The following GPATCH2 variants were observed in gnomAD, a reference collection of about 807,000 sequenced individuals.
GPATCH2 encodes G-patch domain containing 2.
GPATCH2 carries 51 observed loss-of-function variants against 58.0 expected under a neutral mutation model. That is an observed-to-expected ratio of 0.88 (90% confidence interval 0.70 to 1.11). GPATCH2 has a LOEUF of 1.11. GPATCH2 is among the 50% of genes most tolerant of loss of function. The probability of loss-of-function intolerance (pLI) is 0.00; values close to 1 mark genes in which losing one functional copy is unlikely to be tolerated. For missense variants in GPATCH2, 625 were observed against 652.2 expected (o/e 0.96, Z 0.45); for synonymous variants, 222 against 218.5 (o/e 1.02, Z -0.14).
chr1:217,491,948 A>C (rs1473641245), intron 7 of GPATCH2, among the ~76,000 whole-genome samples, 198 bp from the exon 8 acceptor site: 1 of 151,550 alleles, frequency 6.6e-6, no homozygotes, highest in Non-Finnish European at 1.5e-5. Context: ...CAGGGAGACA[A>C]GTTTTTCTTT....
At chr1:217,557,984 T>C (rs939093845) in intron 5 of GPATCH2, among the ~76,000 whole-genome samples, 2 of 152,190 alleles carry the variant, frequency 1.3e-5, no homozygotes, top group Non-Finnish European at 2.9e-5. Context: ...CATCTTACGA[T>C]TTTCAAACCA....
intron 9 of GPATCH2, among the ~76,000 whole-genome samples, chr1:217,447,870 G>A (rs1659461618): frequency 6.6e-6 from 1 of 152,108 alleles, no homozygotes; most frequent in South Asian, 2.1e-4. Context: ...GGCCGAGGTG[G>A]GCGGATCACC....
chr1:217,474,076 A>G (rs1324376033), intron 8 of GPATCH2, among the ~76,000 whole-genome samples: 2 of 152,222 alleles, frequency 1.3e-5, no homozygotes, highest in Non-Finnish European at 2.9e-5. Context: ...CTTTATTAGT[A>G]GAGAATATTA....
intron 1 of GPATCH2, among the ~76,000 whole-genome samples, chr1:217,622,735 G>A (rs1038011488): frequency 6.6e-6 from 1 of 152,186 alleles, no homozygotes; most frequent in African/African-American, 2.4e-5. Context: ...AGTAGAGACA[G>A]GGTTTCACTG....
At chr1:217,529,504 G>A (rs1011539699) in intron 5 of GPATCH2, among the ~76,000 whole-genome samples, 1 of 152,162 alleles carries the variant, frequency 6.6e-6, no homozygotes, top group Non-Finnish European at 1.5e-5. Flanking sequence ...CTTCACACAT[G>A]TCTGTTTCCC....
In GPATCH2 at chr1:217,614,157, A is replaced by G. The variant is rs752267536; in HGVS notation, c.819T>C (p.Asn273=). The change falls in exon 3 of 10, where the codon AAT becomes AAC. Residue 273 remains asparagine (N), a synonymous_variant. Transcript: ENST00000366935. ...TTTCAGTACCTTGTCTTCCCTCATCATTGGTAAACAATCCAGCATCAGTGC... is the reference window on the plus strand; with the variant it reads ...TTTCAGTACCTTGTCTTCCCTCATCGTTGGTAAACAATCCAGCATCAGTGC... The part of the protein sequence containing the change: ...LSSTDAGLFT[N]DEGRQGDDEQ... 6 of 1,572,916 alleles carry G rather than the reference A, an allele frequency of 3.8e-6. No homozygotes were observed. The African/African-American group carries it at 6.7e-5, about 18-fold the overall frequency.
intron 5 of GPATCH2, among the ~76,000 whole-genome samples, chr1:217,555,381 T>A (rs1665568985): frequency 6.6e-6 from 1 of 152,142 alleles, no homozygotes; most frequent in Non-Finnish European, 1.5e-5. Flanking sequence ...ACAAGTGGTT[T>A]CATATACACA....
intron 5 of GPATCH2, among the ~76,000 whole-genome samples, chr1:217,587,503 A>T (rs981805915): frequency 1.3e-5 from 2 of 152,240 alleles, no homozygotes; most frequent in African/African-American, 4.8e-5. Context: ...CAGCAGGCAA[A>T]GGAGAACCAA....
chr1:217,439,824 G>A (rs929820774), intron 9 of GPATCH2, among the ~76,000 whole-genome samples: 11 of 152,230 alleles, frequency 7.2e-5, no homozygotes, highest in East Asian at 3.9e-4. Flanking sequence ...GGAAGAAGTC[G>A]AATCCCTGAA....
intron 6 of GPATCH2, among the ~76,000 whole-genome samples, chr1:217,502,884 G>T (rs1662373891): frequency 6.6e-6 from 1 of 151,978 alleles, no homozygotes; most frequent in African/African-American, 2.4e-5. Flanking sequence ...CTATTTAGAA[G>T]TTTTCAGATT....
intron 5 of GPATCH2, among the ~76,000 whole-genome samples, chr1:217,584,916 T>C (rs946468400): frequency 2.6e-5 from 4 of 151,512 alleles, no homozygotes; most frequent in Admixed American, 2.6e-4. Flanking sequence ...ACAAAAGATA[T>C]ACTAAAACAA....
At chr1:217,534,866 T>C (rs933118280) in intron 5 of GPATCH2, among the ~76,000 whole-genome samples, 4 of 152,222 alleles carry the variant, frequency 2.6e-5, no homozygotes, top group Non-Finnish European at 4.4e-5. Flanking sequence ...ACTAAATAAC[T>C]GGAGATTAGT....
intron 9 of GPATCH2, among the ~76,000 whole-genome samples, chr1:217,443,242 G>A (rs987270110): frequency 3.3e-5 from 5 of 152,148 alleles, no homozygotes; most frequent in African/African-American, 1.2e-4. Context: ...AAATTTAGTA[G>A]TGGTCAGTCT....
chr1:217,488,941 G>A (rs1661585785), intron 8 of GPATCH2, among the ~76,000 whole-genome samples: 1 of 151,732 alleles, frequency 6.6e-6, no homozygotes, highest in African/African-American at 2.4e-5. Context: ...TAATCTCAAA[G>A]TGCTGTGGCT....
Position 217,498,358 on chromosome 1 carries a change from G to A in GPATCH2, c.1204C>T (p.Gln402Ter). 1 of 1,610,830 alleles carries A rather than the reference G, an allele frequency of 6.2e-7. No individual in the cohort carries two copies. Among genetic ancestry groups the A allele is most frequent in the Admixed American group, 1.7e-5 (1 of 60,012 alleles). Residue 402 changes from glutamine (Q) to a stop codon, truncating the protein, a stop_gained and splice_region_variant, in exon 7 of 10, where the codon CAG (glutamine) becomes TAG (stop). Coordinates refer to ENST00000366935, the MANE Select transcript of GPATCH2 (RefSeq NM_018040.5). LOFTEE classifies it high-confidence loss of function. ...TTTTGGATTACAATGGTCCTTACCT[G>A]GTCATGCTCTGTCCTAGCCCCAGGG... ...FSPGARTEHD[Q>*]HQLLRDNRAE...
intron 2 of GPATCH2, among the ~76,000 whole-genome samples, 188 bp downstream of exon 2, chr1:217,619,595 C>T (rs1669079335): frequency 6.6e-6 from 1 of 151,976 alleles, no homozygotes; most frequent in African/African-American, 2.4e-5. Context: ...TTGTGTAAAT[C>T]AAACAAGCAA....
chr1:217,630,892 C>T (rs1173391089), intron 1 of GPATCH2, 24 bp downstream of exon 1: 3 of 1,570,296 alleles, frequency 1.9e-6, no homozygotes, highest in South Asian at 2.3e-5. Flanking sequence ...CTGACCTCCC[C>T]CTCCCCAGGG....
rs868194777 is a variant in GPATCH2, at chr1:217,436,937, C to T, written c.1367-5572G>A. The stretch of plus-strand genomic sequence containing the variant: ...CATTTTCTGATGCATGGGGAGTTGC[C>T]GGCAAGATGGCTGAATAGGAACAGC... On this transcript the variant is annotated intron_variant, in intron 9 of 9. Coordinates refer to ENST00000366935, the MANE Select transcript of GPATCH2 (RefSeq NM_018040.5). 7.9e-5 allele frequency among the ~76,000 whole-genome samples: 12 copies of T among 152,172 alleles called. No individual in the cohort carries two copies. In the East Asian group the frequency reaches 2.1e-3, roughly 27 times the overall value.
intron 5 of GPATCH2, among the ~76,000 whole-genome samples, chr1:217,521,761 G>A (rs551458338): frequency 1.3e-4 from 20 of 152,058 alleles, no homozygotes; most frequent in African/African-American, 3.4e-4. Context: ...ATCTAAATAC[G>A]TGATTACATC....
Sources: allele counts gnomAD v4.1 joint callset (sites outside exome capture counted in the v4.1 genomes callset), GRCh38; gene constraint gnomAD v4.1.1; transcripts MANE v1.5; gene names NCBI Gene and HGNC (gene_info 2026-07-23, HGNC 2026-07-21).